CNKSR2: variants seen among roughly 807,000 people sequenced by gnomAD.
CNKSR2 encodes connector enhancer of kinase suppressor of Ras 2, also known as CNK homolog protein 2.
CNKSR2 carries 14 observed loss-of-function variants against 84.4 expected under a neutral mutation model. The observed-to-expected ratio is 0.17, with a 90% CI of 0.11 to 0.26. The LOEUF (loss-of-function observed/expected upper bound fraction) is 0.26, where lower values mean the gene tolerates loss of function less well. Among genes scored for constraint, CNKSR2 ranks in the 10% least tolerant of loss-of-function variants. The probability of loss-of-function intolerance (pLI) is 1.00; values close to 1 mark genes in which losing one functional copy is unlikely to be tolerated. For synonymous variants in CNKSR2, 275 were observed against 277.9 expected, an observed-to-expected ratio of 0.99 and a Z score of 0.10; for missense variants, 485 against 771.2, an observed-to-expected ratio of 0.63 and a Z score of 4.40.
intron 1 of CNKSR2, among the ~76,000 whole-genome samples, chrX:21,383,137 A>G (rs2089922045): frequency 1.8e-5 from 2 of 112,627 alleles, no homozygotes; most frequent in South Asian, 3.6e-4. Flanking sequence ...TAAATGCTCT[A>G]GCTAGTACTG....
chrX:21,391,326 C>A (rs894044480), intron 1 of CNKSR2, among the ~76,000 whole-genome samples: 2 of 112,599 alleles, frequency 1.8e-5, no homozygotes, highest in African/African-American at 6.5e-5. Flanking sequence ...GGTCTCCTCC[C>A]CTGCAGTAGA....
intron 4 of CNKSR2, among the ~76,000 whole-genome samples, chrX:21,464,598 C>T (rs1035414809): frequency 9.0e-6 from 1 of 111,122 alleles, no homozygotes; most frequent in African/African-American, 3.3e-5. Context: ...AGATATGGCA[C>T]AAAAATTACT....
At chrX:21,603,923 C>G (rs963070403) in intron 18 of CNKSR2, among the ~76,000 whole-genome samples, 11 of 111,332 alleles carry the variant, frequency 9.9e-5, no homozygotes, top group African/African-American at 3.3e-4. Context: ...CTAGTGTTGG[C>G]ACTGCTTTTT....
chrX:21,532,205 C>T (rs1421645693), intron 11 of CNKSR2, 138 bp downstream of exon 11: 1 of 379,892 alleles, frequency 2.6e-6, no homozygotes, highest in East Asian at 4.1e-5. Context: ...CTCTCATGTG[C>T]TTCTAAGTGG....
intron 9 of CNKSR2, among the ~76,000 whole-genome samples, chrX:21,525,149 G>A (rs2091822649): frequency 9.0e-6 from 1 of 110,863 alleles, no homozygotes; most frequent in Non-Finnish European, 1.9e-5. Flanking sequence ...GCCATTCAAG[G>A]ATTTGTTGTA....
intron 4 of CNKSR2, among the ~76,000 whole-genome samples, chrX:21,456,143 A>G (rs932909777): frequency 8.9e-6 from 1 of 112,017 alleles, no homozygotes; most frequent in Non-Finnish European, 1.9e-5. Flanking sequence ...TGTACACATT[A>G]TGAAATAATT....
chrX:21,632,979 CTT>C (rs1367422477), intron 20 of CNKSR2, among the ~76,000 whole-genome samples: 1 of 102,692 alleles, frequency 9.7e-6, no homozygotes, highest in East Asian at 3.1e-4. Flanking sequence ...TGTATACACA[CTT>C]ATATAATATA....
At chrX:21,540,130 C>T (rs1172927314) in intron 11 of CNKSR2, among the ~76,000 whole-genome samples, 1 of 112,175 alleles carries the variant, frequency 8.9e-6, no homozygotes, top group Non-Finnish European at 1.9e-5. Flanking sequence ...ACAGTCACTT[C>T]AGGTAAGTTG....
chrX:21,426,379 A>C (rs2090564772), intron 1 of CNKSR2, 118 bp from the exon 2 acceptor site: 1 of 643,464 alleles, frequency 1.6e-6, no homozygotes, highest in East Asian at 3.5e-5. Context: ...GCTAGTTCAG[A>C]GTTAAAATGG....
Position 21,452,836 on chromosome X carries a change from T to TA in CNKSR2, c.519+12063dup, listed in dbSNP as rs1210981146. On this transcript the variant is annotated intron_variant, in intron 4 of 21. Transcript: ENST00000379510. Reference sequence around the variant, plus strand: ...ATTTTATTTTGCAGACCCCATGTGTTAAAAAAAATTTAAGGCTTTTGAACT... The same window carrying TA: ...ATTTTATTTTGCAGACCCCATGTGTTAAAAAAAAATTTAAGGCTTTTGAACT... 6.7e-5 allele frequency among the ~76,000 whole-genome samples: 7 copies of TA among 103,952 alleles called. No individual in the cohort carries two copies. The South Asian group carries it at 1.2e-3, about 18-fold the overall frequency. 90.3% of individuals were successfully genotyped at this position (103,952 alleles called of 115,157 possible).
rs2092712925 is a variant in CNKSR2 at position 21,648,791 on chromosome X, T to TCTC, written c.2693-40_2693-39insCTC. Reference sequence around the variant, plus strand: ...CTCTTTCTCTCTCTCTCTCTCTCTCTTTCTTTTTTTTTTTTTTTTTTTTTT... The same window carrying TCTC: ...CTCTTTCTCTCTCTCTCTCTCTCTCTCTCTTCTTTTTTTTTTTTTTTTTTTTTT... On this transcript the variant is annotated intron_variant, in intron 20 of 21. Transcript: ENST00000379510. 3.5e-5 allele frequency: 29 copies of TCTC among 840,532 alleles called. No individual in the cohort carries two copies. The African/African-American group carries it at 7.4e-4, about 21-fold the overall frequency. 69.3% of individuals were successfully genotyped at this position (840,532 alleles called of 1,213,427 possible).
chrX:21,624,728 G>A (rs954443690), intron 20 of CNKSR2, among the ~76,000 whole-genome samples: 2 of 111,951 alleles, frequency 1.8e-5, no homozygotes, highest in African/African-American at 6.5e-5. Flanking sequence ...TTACAGGCAT[G>A]AGCCACTGCA....
chrX:21,644,066 C>A (rs2092699629), intron 20 of CNKSR2: 1 of 111,650 alleles, frequency 9.0e-6, no homozygotes, highest in African/African-American at 3.3e-5. Context: ...TTCGGGTGTT[C>A]TCAATGCAAA....
intron 12 of CNKSR2, among the ~76,000 whole-genome samples, chrX:21,562,202 T>A: frequency 9.0e-6 from 1 of 110,897 alleles, no homozygotes. Context: ...CTAAATAGGA[T>A]TTGATCAAGT....
rs908045656 is a variant in CNKSR2 at position 21,374,448 on chromosome X, G to C, written c.-450G>C. On this transcript the variant is annotated 5_prime_UTR_variant, in exon 1 of 22. Transcript: ENST00000379510. ...TTCCGCCGGGCAGCTAGTCGTGCTCGGGGCTTCACTCCCGCGCGTGAGGCG... is the reference window on the plus strand; with the variant it reads ...TTCCGCCGGGCAGCTAGTCGTGCTCCGGGCTTCACTCCCGCGCGTGAGGCG... 6.4e-6 allele frequency: 2 copies of C among 312,936 alleles called. No homozygotes were observed. Among genetic ancestry groups the C allele is most frequent in the Non-Finnish European group, 1.1e-5 (2 of 177,812 alleles). The allele number at this position is 312,936 out of a possible 1,213,427, so 25.8% of individuals were successfully genotyped here. A position where few individuals can be genotyped will look rare whatever the true frequency, so the allele number is the denominator to read the frequency against.
intron 1 of CNKSR2, among the ~76,000 whole-genome samples, chrX:21,395,541 A>C (rs1341354095): frequency 3.6e-5 from 4 of 110,467 alleles, no homozygotes; most frequent in Non-Finnish European, 1.9e-5. Context: ...CGAGTAAATG[A>C]ATGCCTTGAA....
At chrX:21,627,336 C>CAA (rs374302314) in intron 20 of CNKSR2, among the ~76,000 whole-genome samples, 118 of 96,533 alleles carry the variant, frequency 1.2e-3, no homozygotes, top group African/African-American at 4.2e-3. Flanking sequence ...ACTAAAAATA[C>CAA]AAAAAAAAAA....
chrX:21,649,903 A>C (rs1237570463), intron 21 of CNKSR2, among the ~76,000 whole-genome samples: 2 of 112,465 alleles, frequency 1.8e-5, no homozygotes, highest in East Asian at 5.6e-4. Flanking sequence ...TAGAATGGCG[A>C]TCATTAAAAA....
intron 21 of CNKSR2, among the ~76,000 whole-genome samples, chrX:21,649,937 G>A (rs766576496): frequency 8.9e-6 from 1 of 112,181 alleles, no homozygotes; most frequent in South Asian, 3.8e-4. Flanking sequence ...AGATACTGGA[G>A]AGGATGTGGA....
Sources: allele counts gnomAD v4.1 joint callset (sites outside exome capture counted in the v4.1 genomes callset), GRCh38; gene constraint gnomAD v4.1.1; transcripts MANE v1.5; gene names NCBI Gene and HGNC (gene_info 2026-07-23, HGNC 2026-07-21).